Variants in CDK14 observed in about 807,000 individuals in gnomAD.
CDK14 encodes the protein cyclin-dependent kinase 14.
In CDK14, 34 loss-of-function variants were observed where a neutral mutation model predicts 60.7. That is an observed-to-expected ratio of 0.56 (90% CI 0.43 to 0.75). The LOEUF (loss-of-function observed/expected upper bound fraction) is 0.75, where lower values mean the gene tolerates loss of function less well. Among genes scored for constraint, CDK14 ranks in the 30% least tolerant of loss-of-function variants. The probability of loss-of-function intolerance (pLI) is 0.00; values close to 1 mark genes in which losing one functional copy is unlikely to be tolerated. For synonymous variants in CDK14, 197 were observed against 203.7 expected, an observed-to-expected ratio of 0.97 and a Z score of 0.28; for missense variants, 482 against 564.1, an observed-to-expected ratio of 0.85 and a Z score of 1.47.
intron 9 of CDK14, among the ~76,000 whole-genome samples, chr7:90,965,783 G>T (rs1458652034): frequency 6.6e-6 from 1 of 152,202 alleles, no homozygotes; most frequent in Non-Finnish European, 1.5e-5. Context: ...TATCATTAAT[G>T]ATAATGTATA....
intron 2 of CDK14, among the ~76,000 whole-genome samples, chr7:90,662,156 T>C (rs1383661006): frequency 6.6e-6 from 1 of 152,192 alleles, no homozygotes; most frequent in East Asian, 1.9e-4. Flanking sequence ...CTTAGGAGAA[T>C]TGGTATACAA....
chr7:90,618,316 AT>A (rs1012124341), intron 2 of CDK14, among the ~76,000 whole-genome samples: 15 of 152,066 alleles, frequency 9.9e-5, no homozygotes, highest in African/African-American at 3.4e-4. Context: ...GGATAGACCA[AT>A]TTTTTTTCTC....
intron 5 of CDK14, among the ~76,000 whole-genome samples, chr7:90,798,768 C>T (rs1193107787): frequency 6.6e-6 from 1 of 152,178 alleles, no homozygotes; most frequent in African/African-American, 2.4e-5. Context: ...TCTCATTGAG[C>T]TAGAGTGTGT....
intron 2 of CDK14, among the ~76,000 whole-genome samples, chr7:90,637,250 C>G (rs1269279421): frequency 6.6e-6 from 1 of 150,644 alleles, no homozygotes; most frequent in South Asian, 2.1e-4. Context: ...TGGATCTTTC[C>G]TGCTTTCTCT....
At chr7:90,949,495 C>T (rs1794193404) in intron 8 of CDK14, among the ~76,000 whole-genome samples, 1 of 152,070 alleles carries the variant, frequency 6.6e-6, no homozygotes, top group Non-Finnish European at 1.5e-5. Context: ...AGCCACTGCG[C>T]CCGGCCAAAT....
intron 2 of CDK14, among the ~76,000 whole-genome samples, chr7:90,714,630 T>G (rs1238956643): frequency 6.6e-6 from 1 of 152,106 alleles, no homozygotes; most frequent in African/African-American, 2.4e-5. Flanking sequence ...ATAAGCTCTG[T>G]GTGGTTAGTG....
chr7:91,167,210 A>G (rs182156727), intron 14 of CDK14, among the ~76,000 whole-genome samples: 18 of 152,338 alleles, frequency 1.2e-4, no homozygotes, highest in Non-Finnish European at 2.2e-4. Context: ...ATGGAATTCA[A>G]TCTCAGAATT....
At chr7:90,766,264 T>A (rs995242782) in intron 4 of CDK14, among the ~76,000 whole-genome samples, 1 of 152,188 alleles carries the variant, frequency 6.6e-6, no homozygotes, top group Non-Finnish European at 1.5e-5. Flanking sequence ...GAAATAAAGC[T>A]ACTATTTATT....
intron 3 of CDK14, among the ~76,000 whole-genome samples, chr7:90,738,353 A>G (rs1803206060): frequency 6.6e-6 from 1 of 152,224 alleles, no homozygotes. Flanking sequence ...GGTCTGATAC[A>G]TAATTACTTG....
intron 8 of CDK14, among the ~76,000 whole-genome samples, chr7:90,922,419 A>C (rs933987106): frequency 6.6e-6 from 1 of 152,072 alleles, no homozygotes; most frequent in Non-Finnish European, 1.5e-5. Context: ...AACCAAAGAA[A>C]GGGTTTTTTT....
At chr7:90,856,172 A>C (rs890767005) in intron 5 of CDK14, among the ~76,000 whole-genome samples, 15 of 152,338 alleles carry the variant, frequency 9.8e-5, no homozygotes, top group African/African-American at 3.4e-4. Flanking sequence ...TCTGGTGAAC[A>C]AAAAACATCT....
At chr7:90,781,716 C>T (rs1048197248) in intron 4 of CDK14, among the ~76,000 whole-genome samples, 2 of 151,190 alleles carry the variant, frequency 1.3e-5, no homozygotes, top group African/African-American at 4.9e-5. Flanking sequence ...TGTCAAAGAT[C>T]AGATAGTTGT....
chr7:90,956,942 A>T (rs1305057783), intron 9 of CDK14, among the ~76,000 whole-genome samples: 1 of 151,512 alleles, frequency 6.6e-6, no homozygotes, highest in Non-Finnish European at 1.5e-5. Flanking sequence ...AAGGACATGA[A>T]CTCATCATTT....
chr7:91,009,559 A>G (rs962164926), intron 10 of CDK14, among the ~76,000 whole-genome samples: 6 of 152,116 alleles, frequency 3.9e-5, no homozygotes, highest in African/African-American at 1.4e-4. Flanking sequence ...CTAATATTCC[A>G]TAGTGGTTTT....
chr7:90,905,848 A>C (rs1303396268), intron 7 of CDK14, among the ~76,000 whole-genome samples: 1 of 152,182 alleles, frequency 6.6e-6, no homozygotes, highest in Non-Finnish European at 1.5e-5. Flanking sequence ...GGAAAGTTAA[A>C]AAATAGATGT....
intron 14 of CDK14, among the ~76,000 whole-genome samples, chr7:91,197,395 C>CT (rs1802580723): frequency 8.4e-6 from 1 of 119,034 alleles, no homozygotes; most frequent in South Asian, 3.1e-4. Flanking sequence ...GTGAGAGACT[C>CT]TGTCTCAAAA....
rs73403362 is a variant in CDK14, at chr7:91,020,357, T to C, written c.1042-25540T>C. Among the ~76,000 whole-genome samples the C allele has an allele frequency of 6.2e-3, 951 of 152,356 alleles. 16 individuals are homozygous for C. Among genetic ancestry groups the C allele is most frequent in the African/African-American group, 0.022 (903 of 41,588 alleles). ...CTCAATGATTACATTCATTCGTGCATGCAACCAATATTTTTACCACCTACT... is the reference window on the plus strand; with the variant it reads ...CTCAATGATTACATTCATTCGTGCACGCAACCAATATTTTTACCACCTACT... On this transcript the variant is annotated intron_variant, in intron 10 of 14. Transcript: ENST00000380050.
chr7:90,833,502 T>C (rs560617842), intron 5 of CDK14, among the ~76,000 whole-genome samples: 3 of 152,310 alleles, frequency 2.0e-5, no homozygotes, highest in African/African-American at 7.2e-5. Flanking sequence ...TGTCTTCAAG[T>C]CTCTTGTGTC....
intron 5 of CDK14, among the ~76,000 whole-genome samples, chr7:90,815,336 A>G (rs1490463848): frequency 2.6e-5 from 4 of 152,256 alleles, no homozygotes; most frequent in African/African-American, 9.6e-5. Context: ...ATCACTGGTC[A>G]TTATATAAAT....
Sources: gnomAD v4.1 joint callset for allele counts (sites outside exome capture counted in the v4.1 genomes callset) on GRCh38, gnomAD v4.1.1 for gene constraint, MANE v1.5 for transcripts, NCBI Gene and HGNC (gene_info 2026-07-23, HGNC 2026-07-21) for gene names.